CHRNA9: variants seen among roughly 807,000 people sequenced by gnomAD.
The protein encoded by CHRNA9 is cholinergic receptor nicotinic alpha 9 subunit, also known as neuronal acetylcholine receptor subunit alpha-9.
CHRNA9 carries 24 observed loss-of-function variants against 36.8 expected under a neutral mutation model. That is an observed-to-expected ratio of 0.65 (90% CI 0.47 to 0.92). CHRNA9 has a LOEUF of 0.92. Among genes scored for constraint, CHRNA9 ranks in the 40% least tolerant of loss-of-function variants. The pLI, the probability that CHRNA9 is intolerant of heterozygous loss-of-function variation, is 0.00. For synonymous variants in CHRNA9, 231 were observed against 231.8 expected, an observed-to-expected ratio of 1.00 and a Z score of 0.03; for missense variants, 610 against 601.2, an observed-to-expected ratio of 1.01 and a Z score of -0.15.
intron 3 of CHRNA9, among the ~76,000 whole-genome samples, chr4:40,344,134 A>G (rs187819977): frequency 6.6e-6 from 1 of 152,324 alleles, no homozygotes; most frequent in East Asian, 1.9e-4. Context: ...AGGAAAGGCA[A>G]CAGATCTTCC....
chr4:40,344,732 A>G (rs1206209211), intron 3 of CHRNA9, among the ~76,000 whole-genome samples: 4 of 152,198 alleles, frequency 2.6e-5, no homozygotes, highest in Admixed American at 2.6e-4. Context: ...AATCTCCATG[A>G]TATTTTTATG....
In CHRNA9 at chr4:40,348,919, G is replaced by A; in HGVS notation, c.403G>A (p.Val135Met). 6.2e-7 allele frequency: 1 copy of A among 1,614,068 alleles called. No individual in the cohort carries two copies. Among genetic ancestry groups the A allele is most frequent in the South Asian group, 1.1e-5 (1 of 91,068 alleles). The change falls in exon 4 of 5, where the codon GTG becomes ATG. Residue 135 changes from valine (V) to methionine (M), a missense_variant. Physicochemically the swap from Val to Met is conservative, Grantham distance 21 (BLOSUM62 1). Coordinates refer to ENST00000310169, the MANE Select transcript of CHRNA9 (RefSeq NM_017581.4). ...ATCTTCAGAGCCTGTGAACACCAAT[G>A]TGGTCCTGCGGTATGATGGGCTGAT... ...DESSEPVNTN[V>M]VLRYDGLITW... is the part of the protein sequence containing the mutation.
chr4:40,346,611 C>A (rs1439872950), intron 3 of CHRNA9, among the ~76,000 whole-genome samples: 1 of 152,160 alleles, frequency 6.6e-6, no homozygotes, highest in Non-Finnish European at 1.5e-5. Flanking sequence ...CAGGAGGAAG[C>A]TTCAGGCATT....
chr4:40,351,737 A>T (rs1182462325), intron 4 of CHRNA9, among the ~76,000 whole-genome samples: 1 of 152,226 alleles, frequency 6.6e-6, no homozygotes, highest in African/African-American at 2.4e-5. Flanking sequence ...CTATTAAGAT[A>T]ATCATGTGAG....
chr4:40,335,678 C>A, intron 1 of CHRNA9, 147 bp downstream of exon 1: 2 of 991,990 alleles, frequency 2.0e-6, no homozygotes, highest in Non-Finnish European at 1.6e-6. Context: ...CTTGGTAGGG[C>A]ATGCCAGAAA....
rs146393051 is a variant in CHRNA9 at position 40,335,845 on chromosome 4, G to A, written c.83G>A (p.Gly28Glu). Reference sequence around the variant, plus strand: ...TGAGTAGCTGCAGAGACGGCAGATGGAAAATATGCTCAGAAGTTGTTTAAT... The same window carrying A: ...TGAGTAGCTGCAGAGACGGCAGATGAAAAATATGCTCAGAAGTTGTTTAAT... ...SRLRAAETAD[G>E]KYAQKLFNDL... Residue 28 changes from glycine (G) to glutamate (E), a missense_variant, in exon 2 of 5, where the codon GGA becomes GAA. By Grantham distance (98) the Gly-to-Glu change is moderately conservative. Coordinates refer to ENST00000310169, the MANE Select transcript of CHRNA9 (RefSeq NM_017581.4). 1.2e-6 allele frequency: 2 copies of A among 1,613,340 alleles called. No individual in the cohort carries two copies. The highest frequency in any genetic ancestry group is 2.7e-5 in the African/African-American group (2 of 74,914).
At chr4:40,347,729 T>A (rs959719972) in intron 3 of CHRNA9, 2 of 152,244 alleles carry the variant, frequency 1.3e-5, no homozygotes, top group African/African-American at 4.8e-5. Context: ...TGTTATTGAC[T>A]AAACTACTTT....
In CHRNA9 at chr4:40,339,554, G is replaced by A. The variant is rs115346841; in HGVS notation, c.365+2190G>A. On this transcript the variant is annotated intron_variant, in intron 3 of 4. Coordinates refer to ENST00000310169, the MANE Select transcript of CHRNA9 (RefSeq NM_017581.4). ...AAAAATTAGCTGGGTATGGTGGCAG[G>A]CACCAGGAGGCTGAGGCAGGAGAAT... is the stretch of plus-strand genomic sequence containing the variant. Among the ~76,000 whole-genome samples the A allele has an allele frequency of 7.1e-3, 1,069 of 150,158 alleles. 20 individuals carry two copies. Among genetic ancestry groups the A allele is most frequent in the African/African-American group, 0.025 (1,016 of 40,832 alleles).
chr4:40,346,964 C>A (rs984453791), intron 3 of CHRNA9, among the ~76,000 whole-genome samples: 1 of 152,006 alleles, frequency 6.6e-6, no homozygotes, highest in Non-Finnish European at 1.5e-5. Flanking sequence ...GTGCGCGCCA[C>A]CACGCCTGGC....
intron 3 of CHRNA9, among the ~76,000 whole-genome samples, chr4:40,346,008 AG>A (rs1226865374): frequency 6.6e-6 from 1 of 151,208 alleles, no homozygotes; most frequent in African/African-American, 2.4e-5. Flanking sequence ...CTGGGTGACA[AG>A]AGTGAGACTC....
chr4:40,354,544 T>C lies in CHRNA9; in HGVS notation c.*24T>C, dbSNP rs776369420. ...AGTCACAGATATTGGCTTTGCTATC[T>C]GGGTAGAAATTAATACAATTCCCTG... On this transcript the variant is annotated 3_prime_UTR_variant, in exon 5 of 5. Coordinates refer to ENST00000310169, the MANE Select transcript of CHRNA9 (RefSeq NM_017581.4). 1 of 1,552,482 alleles carries C rather than the reference T, an allele frequency of 6.4e-7. No homozygotes were observed. Among genetic ancestry groups the C allele is most frequent in the African/African-American group, 1.4e-5 (1 of 73,466 alleles).
intron 3 of CHRNA9, among the ~76,000 whole-genome samples, chr4:40,346,084 G>T (rs1379736160): frequency 6.6e-6 from 1 of 152,204 alleles, no homozygotes; most frequent in East Asian, 1.9e-4. Context: ...AGCAGCTGGG[G>T]TGATGTTTTT....
chr4:40,352,179 TTTTTCCAGCA>T (rs1224923131), intron 4 of CHRNA9, among the ~76,000 whole-genome samples: 1 of 152,186 alleles, frequency 6.6e-6, no homozygotes, highest in African/African-American at 2.4e-5. Flanking sequence ...ACATCTAACA[TTTTTCCAGCA>T]GTTTCATCTA....
Position 40,341,389 on chromosome 4 carries a change from G to A in CHRNA9, c.365+4025G>A, listed in dbSNP as rs146708053. ...AGCCTTGACCTCCTGGACTCAAGTT[G>A]AGAGAGTATTCTCCTCAGTAGGGTC... On this transcript the variant is annotated intron_variant, in intron 3 of 4. Transcript: ENST00000310169. 4.7e-3 allele frequency among the ~76,000 whole-genome samples: 721 copies of A among 152,040 alleles called. 8 individuals are homozygous for A. The highest frequency in any genetic ancestry group is 0.014 in the African/African-American group (588 of 41,452).
At chr4:40,340,430 G>A (rs1216959955) in intron 3 of CHRNA9, among the ~76,000 whole-genome samples, 1 of 152,128 alleles carries the variant, frequency 6.6e-6, no homozygotes, top group Non-Finnish European at 1.5e-5. Context: ...ACATCTTCAT[G>A]CCTTTAACAA....
intron 3 of CHRNA9, 99 bp from the exon 4 acceptor site, chr4:40,348,783 C>A: frequency 8.2e-7 from 1 of 1,225,910 alleles, no homozygotes; most frequent in Non-Finnish European, 1.2e-6. Flanking sequence ...TGGTCCATTG[C>A]CAAAACACTG....
At chr4:40,337,128 T>A (rs1012486148) in intron 2 of CHRNA9, 82 bp from the exon 3 acceptor site, 1 of 1,281,934 alleles carries the variant, frequency 7.8e-7, no homozygotes, top group Non-Finnish European at 1.1e-6. Flanking sequence ...GTGAAATTCC[T>A]ATTGTGAAGA....
intron 3 of CHRNA9, among the ~76,000 whole-genome samples, chr4:40,344,961 C>T (rs562494151): frequency 2.0e-5 from 3 of 152,140 alleles, no homozygotes; most frequent in Non-Finnish European, 4.4e-5. Context: ...ATGTGTTATA[C>T]TGCTACATGC....
intron 3 of CHRNA9, among the ~76,000 whole-genome samples, chr4:40,341,899 C>T (rs1262880750): frequency 6.6e-6 from 1 of 152,196 alleles, no homozygotes; most frequent in African/African-American, 2.4e-5. Context: ...CTACCACACC[C>T]AGCTAATTTT....
Sources: gnomAD v4.1 joint callset for allele counts (sites outside exome capture counted in the v4.1 genomes callset) on GRCh38, gnomAD v4.1.1 for gene constraint, MANE v1.5 for transcripts, NCBI Gene and HGNC (gene_info 2026-07-23, HGNC 2026-07-21) for gene names.